VRK3: variants seen among roughly 807,000 people sequenced by gnomAD.
The protein encoded by VRK3 is serine/threonine-protein kinase VRK3.
In VRK3, 50 loss-of-function variants were observed where a neutral mutation model predicts 60.4. The observed-to-expected ratio is 0.83, with a 90% confidence interval of 0.66 to 1.05. The LOEUF is 1.05. Ranked by LOEUF, VRK3 falls within the 50% of genes least tolerant of loss-of-function variation. VRK3 has a pLI of 0.00. For missense variants in VRK3, 549 were observed against 585.3 expected (o/e 0.94, Z 0.64); for synonymous variants, 246 against 227.8 (o/e 1.08, Z -0.72).
At chr19:50,010,838 G>A (rs1363962694) in intron 3 of VRK3, among the ~76,000 whole-genome samples, 2 of 152,142 alleles carry the variant, frequency 1.3e-5, no homozygotes, top group Non-Finnish European at 2.9e-5. Flanking sequence ...GCTTGAACAC[G>A]GGAGGTGGAG....
chr19:49,984,955 GCTCT>G (rs1194689805), intron 12 of VRK3, among the ~76,000 whole-genome samples: 1 of 152,182 alleles, frequency 6.6e-6, no homozygotes, highest in African/African-American at 2.4e-5. Flanking sequence ...CACAATGTGT[GCTCT>G]CTGTTGTATC....
At chr19:50,003,287 C>T (rs2076839279) in intron 5 of VRK3, among the ~76,000 whole-genome samples, 2 of 152,230 alleles carry the variant, frequency 1.3e-5, no homozygotes, top group South Asian at 4.1e-4. Flanking sequence ...TGATTTTGGA[C>T]TTCTGGCCTC....
Position 49,988,404 on chromosome 19 carries a change from G to C in VRK3, c.1185C>G (p.Pro395=), listed in dbSNP as rs748409893. 1.2e-5 allele frequency: 20 copies of C among 1,613,186 alleles called. No individual in the cohort carries two copies. The highest frequency in any genetic ancestry group is 1.4e-5 in the Non-Finnish European group (17 of 1,179,566). Residue 395 remains proline, a synonymous_variant, in exon 12 of 15, where the codon CCC becomes CCG. Coordinates refer to ENST00000316763, the MANE Select transcript of VRK3 (RefSeq NM_016440.4). Reference sequence around the variant, plus strand: ...TTTGCTTCATGATGTCCTCAGTGTTGGGAAGGCAATTTGTCCATGGCAGAA... The same window carrying C: ...TTTGCTTCATGATGTCCTCAGTGTTCGGAAGGCAATTTGTCCATGGCAGAA... ...YGFLPWTNCL[P]NTEDIMKQKQ...
intron 11 of VRK3, 145 bp downstream of exon 11, chr19:49,989,494 C>G: frequency 8.7e-7 from 1 of 1,152,424 alleles, no homozygotes; most frequent in Admixed American, 3.0e-5. Context: ...GCGGTCGGGA[C>G]GCTGTCTGTG....
chr19:49,977,561 GC>G (rs1300353569), intron 14 of VRK3, among the ~76,000 whole-genome samples: 1 of 152,112 alleles, frequency 6.6e-6, no homozygotes, highest in African/African-American at 2.4e-5. Flanking sequence ...CCTGTGCCAT[GC>G]CAGAAAAGCA....
intron 12 of VRK3, chr19:49,986,335 A>T (rs1468456478): frequency 6.5e-6 from 1 of 153,132 alleles, no homozygotes; most frequent in African/African-American, 2.4e-5. Context: ...ATTAACACAC[A>T]GTACCACCAT....
At chr19:50,015,217 A>G (rs2077056091) in intron 3 of VRK3, among the ~76,000 whole-genome samples, 1 of 152,166 alleles carries the variant, frequency 6.6e-6, no homozygotes, top group Non-Finnish European at 1.5e-5. Flanking sequence ...AGCATCCCAA[A>G]TCCGGAAATC....
intron 1 of VRK3, among the ~76,000 whole-genome samples, chr19:50,023,678 C>T (rs2077207807): frequency 6.6e-6 from 1 of 151,928 alleles, no homozygotes; most frequent in Non-Finnish European, 1.5e-5. Flanking sequence ...GCTGGGTCTA[C>T]GTCTGCTGAG....
At chr19:50,007,426 G>T in intron 5 of VRK3, 143 bp downstream of exon 5, 1 of 1,293,612 alleles carries the variant, frequency 7.7e-7, no homozygotes, top group Non-Finnish European at 1.1e-6. Context: ...TAGGTATAGA[G>T]TCCAAGGTCT....
intron 1 of VRK3, among the ~76,000 whole-genome samples, chr19:50,021,801 G>A (rs1483430889): frequency 6.6e-6 from 1 of 152,226 alleles, no homozygotes; most frequent in Non-Finnish European, 1.5e-5. Context: ...ACTTAAGACG[G>A]TTCTCATTTC....
chr19:49,985,701 G>C (rs11083993), intron 12 of VRK3, among the ~76,000 whole-genome samples: 8,030 of 152,228 alleles, frequency 0.053, 703 homozygotes, highest in African/African-American at 0.18. Context: ...CCTGAGGGCA[G>C]GGATTTTTGT....
At chr19:49,986,106 G>A (rs1279866242) in intron 12 of VRK3, among the ~76,000 whole-genome samples, 1 of 152,236 alleles carries the variant, frequency 6.6e-6, no homozygotes, top group African/African-American at 2.4e-5. Flanking sequence ...CCCCTTCTCT[G>A]AAGGAGGATG....
rs771772547 is a variant in VRK3 at position 49,993,007 on chromosome 19, G to A, written c.871-55C>T. 3.7e-4 allele frequency: 550 copies of A among 1,494,568 alleles called. 1 individual carries two copies. Among genetic ancestry groups the A allele is most frequent in the Non-Finnish European group, 4.6e-4 (514 of 1,111,300 alleles). The allele number at this position is 1,494,568 out of a possible 1,614,324, so 92.6% of individuals were successfully genotyped here. ...TGAGCAGTACGACTAACACAGAGAG[G>A]CTATGGTGCAGACCAGGAGGGAGCC... On this transcript the variant is annotated intron_variant, in intron 9 of 14. Transcript: ENST00000316763.
At chr19:49,977,819 G>A (rs758245502) in intron 14 of VRK3, among the ~76,000 whole-genome samples, 4 of 152,002 alleles carry the variant, frequency 2.6e-5, no homozygotes, top group African/African-American at 4.8e-5. Context: ...CTTTACTCTC[G>A]GCACCACTGG....
At chr19:50,008,491 T>C (rs1400544290) in intron 4 of VRK3, among the ~76,000 whole-genome samples, 4 of 152,180 alleles carry the variant, frequency 2.6e-5, no homozygotes, top group Admixed American at 1.3e-4. Context: ...CGCCTCACAC[T>C]GCCACTGTGG....
chr19:50,019,351 G>GCCACCAT (rs2077129770), intron 2 of VRK3: 1 of 149,110 alleles, frequency 6.7e-6, no homozygotes, highest in African/African-American at 2.5e-5. Context: ...TACAGGCGTG[G>GCCACCAT]GCCACCATGC....
At chr19:50,012,991 C>G (rs1256427307) in intron 3 of VRK3, among the ~76,000 whole-genome samples, 1 of 151,920 alleles carries the variant, frequency 6.6e-6, no homozygotes, top group Non-Finnish European at 1.5e-5. Flanking sequence ...CACGGTGAAA[C>G]CCCGCCTCTA....
At chr19:50,011,723 C>T (rs2076998697) in intron 3 of VRK3, among the ~76,000 whole-genome samples, 1 of 151,156 alleles carries the variant, frequency 6.6e-6, no homozygotes, top group Admixed American at 6.6e-5. Context: ...ATGTTCCTCA[C>T]TCCTCCAGTG....
At chr19:50,024,364 G>A (rs2077227320) in intron 1 of VRK3, among the ~76,000 whole-genome samples, 1 of 152,220 alleles carries the variant, frequency 6.6e-6, no homozygotes, top group African/African-American at 2.4e-5. Context: ...CATCAGTTCA[G>A]AGTGGGTATT....
Sources: gnomAD v4.1 joint callset for allele counts (sites outside exome capture counted in the v4.1 genomes callset) on GRCh38, gnomAD v4.1.1 for gene constraint, MANE v1.5 for transcripts, NCBI Gene and HGNC (gene_info 2026-07-23, HGNC 2026-07-21) for gene names.